Variants in LRBA observed in about 807,000 individuals in gnomAD.
The protein encoded by LRBA is lipopolysaccharide-responsive and beige-like anchor protein.
Under a neutral mutation model 330.0 loss-of-function variants are expected in LRBA, and 176 were observed. That is an observed-to-expected ratio of 0.53 (90% confidence interval 0.47 to 0.60). The LOEUF (loss-of-function observed/expected upper bound fraction) is 0.60. Among genes scored for constraint, LRBA ranks in the 20% least tolerant of loss-of-function variants. LRBA has a pLI of 0.00. For synonymous variants in LRBA, 1,230 were observed against 1,193.0 expected (o/e 1.03, Z -0.64); for missense variants, 3,259 against 3,444.8 (o/e 0.95, Z 1.35).
At chr4:150,318,461 T>C (rs1348751007) in intron 50 of LRBA, among the ~76,000 whole-genome samples, 3 of 152,128 alleles carry the variant, frequency 2.0e-5, no homozygotes, top group African/African-American at 7.2e-5. Context: ...AAAATAAATA[T>C]TGTAATATGG....
intron 47 of LRBA, among the ~76,000 whole-genome samples, chr4:150,386,917 G>A (rs563453022): frequency 3.7e-4 from 56 of 152,018 alleles, no homozygotes; most frequent in Admixed American, 6.6e-4. Flanking sequence ...ACACAACCTC[G>A]CCAGCATCTG....
intron 48 of LRBA, among the ~76,000 whole-genome samples, chr4:150,334,502 GTA>G (rs1001814365): frequency 6.6e-6 from 1 of 151,490 alleles, no homozygotes. Context: ...ATATGTATGT[GTA>G]TATATATATA....
intron 4 of LRBA, 118 bp downstream of exon 4, chr4:150,928,398 T>G (rs1734106194): frequency 1.6e-6 from 1 of 643,420 alleles, no homozygotes; most frequent in Non-Finnish European, 2.7e-6. Context: ...GCTATTTTAA[T>G]TAATCTATTC....
intron 33 of LRBA, among the ~76,000 whole-genome samples, chr4:150,803,083 T>TATATATATAC (rs748531851): frequency 1.6e-5 from 2 of 128,480 alleles, no homozygotes; most frequent in African/African-American, 6.1e-5. Context: ...AAAATATATA[T>TATATATATAC]ACACACACAC....
At chr4:150,277,383 G>A (rs771878696) in intron 56 of LRBA, among the ~76,000 whole-genome samples, 10 of 151,930 alleles carry the variant, frequency 6.6e-5, no homozygotes, top group Non-Finnish European at 1.0e-4. Flanking sequence ...AACAAACTGC[G>A]TTCTGCACAT....
chr4:150,356,039 T>C (rs1290743280), intron 47 of LRBA, among the ~76,000 whole-genome samples: 2 of 152,094 alleles, frequency 1.3e-5, no homozygotes, highest in East Asian at 1.9e-4. Context: ...AACATTGATA[T>C]ATGACCTTTG....
chr4:150,872,807 G>T, intron 17 of LRBA, 52 bp from the exon 18 acceptor site: 1 of 890,566 alleles, frequency 1.1e-6, no homozygotes. Context: ...TTTTTAAATG[G>T]AAAGGTTTAA....
At chr4:150,754,117 T>C (rs1322140877) in intron 35 of LRBA, among the ~76,000 whole-genome samples, 2 of 146,538 alleles carry the variant, frequency 1.4e-5, no homozygotes, top group Non-Finnish European at 3.0e-5. Context: ...TAAAATCCCA[T>C]ATAAAGTGCA....
intron 40 of LRBA, among the ~76,000 whole-genome samples, chr4:150,515,035 T>C (rs1445501448): frequency 6.6e-6 from 1 of 152,198 alleles, no homozygotes; most frequent in Non-Finnish European, 1.5e-5. Flanking sequence ...GGAAGCTCCA[T>C]AATTCATTTA....
chr4:150,568,702 A>G (rs914759949), intron 40 of LRBA, among the ~76,000 whole-genome samples: 3 of 152,150 alleles, frequency 2.0e-5, no homozygotes, highest in African/African-American at 7.2e-5. Context: ...AGATTATATC[A>G]AATTAACACA....
chr4:151,013,184 A>G (rs1374277390), intron 2 of LRBA: 1 of 152,254 alleles, frequency 6.6e-6, no homozygotes, highest in Non-Finnish European at 1.5e-5. Context: ...CTAACCTTGA[A>G]AAGAGGCAAA....
At chr4:150,628,329 G>C (rs1777043180) in intron 37 of LRBA, among the ~76,000 whole-genome samples, 1 of 152,096 alleles carries the variant, frequency 6.6e-6, no homozygotes. Flanking sequence ...GAGAGAGTCA[G>C]GCAAATGCAT....
At chr4:150,405,807 C>A (rs1454787935) in intron 47 of LRBA, among the ~76,000 whole-genome samples, 1 of 152,134 alleles carries the variant, frequency 6.6e-6, no homozygotes, top group Admixed American at 6.6e-5. Flanking sequence ...ATGAGCCCAG[C>A]ACTTTGAGAA....
chr4:150,813,336 T>C (rs1744067364), intron 31 of LRBA, among the ~76,000 whole-genome samples: 1 of 152,094 alleles, frequency 6.6e-6, no homozygotes, highest in South Asian at 2.1e-4. Flanking sequence ...CCTTATCCTC[T>C]GATGAATATC....
At chr4:150,847,561 T>C (rs977485525) in intron 26 of LRBA, among the ~76,000 whole-genome samples, 2 of 152,172 alleles carry the variant, frequency 1.3e-5, no homozygotes, top group South Asian at 2.1e-4. Context: ...TCCACTTCCA[T>C]GTTATGTTTT....
At chr4:150,596,355 T>G (rs1046961379) in intron 38 of LRBA, among the ~76,000 whole-genome samples, 1 of 152,022 alleles carries the variant, frequency 6.6e-6, no homozygotes, top group East Asian at 1.9e-4. Context: ...ATAAAAAAGA[T>G]GGCTCTTACT....
At chr4:150,423,280 G>A (rs1189277540) in intron 46 of LRBA, 2 of 885,442 alleles carry the variant, frequency 2.3e-6, no homozygotes, top group Admixed American at 1.9e-5. Context: ...TCCTGTAGGG[G>A]TGTCTCCCTT....
At chr4:150,488,522 T>C (rs577252760) in intron 41 of LRBA, among the ~76,000 whole-genome samples, 5 of 151,722 alleles carry the variant, frequency 3.3e-5, no homozygotes, top group African/African-American at 1.2e-4. Context: ...AAGAAGTACA[T>C]GTCAATATGT....
intron 44 of LRBA, among the ~76,000 whole-genome samples, chr4:150,453,606 G>T (rs966743689): frequency 2.0e-5 from 3 of 152,058 alleles, no homozygotes; most frequent in African/African-American, 7.2e-5. Flanking sequence ...AACACCATTG[G>T]GTCAAAATAA....
Sources: gnomAD v4.1 joint callset for allele counts (sites outside exome capture counted in the v4.1 genomes callset) on GRCh38, gnomAD v4.1.1 for gene constraint, MANE v1.5 for transcripts, NCBI Gene and HGNC (gene_info 2026-07-23, HGNC 2026-07-21) for gene names.